KCNK13: variants seen among roughly 807,000 people sequenced by gnomAD.
KCNK13 encodes potassium channel subfamily K member 13.
KCNK13 carries 12 observed loss-of-function variants against 23.4 expected under a neutral mutation model. The ratio of observed to expected loss-of-function variants is 0.51; its 90% CI spans 0.33 to 0.83. The LOEUF is 0.83. KCNK13 is among the 40% of genes least tolerant of loss of function. KCNK13 has a pLI of 0.02. For missense variants in KCNK13, 463 were observed against 556.3 expected (o/e 0.83, Z 1.69); for synonymous variants, 231 against 229.5 (o/e 1.01, Z -0.06).
intron 1 of KCNK13, among the ~76,000 whole-genome samples, chr14:90,091,049 G>A (rs1236533423): frequency 6.6e-6 from 1 of 152,176 alleles, no homozygotes; most frequent in African/African-American, 2.4e-5. Context: ...TCATCTCTAT[G>A]TTTGACCTCT....
At chr14:90,149,592 G>A (rs763038715) in intron 1 of KCNK13, among the ~76,000 whole-genome samples, 7 of 152,142 alleles carry the variant, frequency 4.6e-5, no homozygotes, top group Non-Finnish European at 7.3e-5. Context: ...CTCCCACCAA[G>A]TCCCTCCCAC....
intron 1 of KCNK13, among the ~76,000 whole-genome samples, chr14:90,174,171 G>A (rs981358502): frequency 6.6e-6 from 1 of 152,126 alleles, no homozygotes; most frequent in African/African-American, 2.4e-5. Flanking sequence ...TTAGCCGGGT[G>A]TGGTGGTGGG....
chr14:90,088,612 A>G (rs1461324551), intron 1 of KCNK13, among the ~76,000 whole-genome samples: 2 of 152,214 alleles, frequency 1.3e-5, no homozygotes, highest in Non-Finnish European at 2.9e-5. Flanking sequence ...TTCTCTTGGG[A>G]AAATGGAAAA....
chr14:90,146,167 G>T (rs1432221639), intron 1 of KCNK13, among the ~76,000 whole-genome samples: 1 of 152,084 alleles, frequency 6.6e-6, no homozygotes, highest in Non-Finnish European at 1.5e-5. Context: ...TAAACATTTA[G>T]AATTTTTATG....
chr14:90,149,588 C>A lies in KCNK13; in HGVS notation c.335-34523C>A, dbSNP rs150878187. The stretch of plus-strand genomic sequence containing the variant: ...GCCCCCGTGATTCAATTACCTCCCA[C>A]CAAGTCCCTCCCACAACATGTGGGG... On this transcript the variant is annotated intron_variant, in intron 1 of 1. Transcript: ENST00000282146. Among the ~76,000 whole-genome samples, 948 of 152,284 alleles carry A rather than the reference C, an allele frequency of 6.2e-3. 12 individuals are homozygous for A. The highest frequency in any genetic ancestry group is 0.021 in the African/African-American group (871 of 41,548).
chr14:90,126,468 G>A (rs921127175), intron 1 of KCNK13, among the ~76,000 whole-genome samples: 2 of 151,830 alleles, frequency 1.3e-5, no homozygotes, highest in South Asian at 2.1e-4. Flanking sequence ...GTGACGTGAC[G>A]TGACGTGATG....
intron 1 of KCNK13, among the ~76,000 whole-genome samples, chr14:90,174,188 T>TAGTC (rs2140445264): frequency 6.6e-6 from 1 of 152,252 alleles, no homozygotes; most frequent in South Asian, 2.1e-4. Flanking sequence ...TGGGCACCTG[T>TAGTC]AGTCCCAGCT....
intron 1 of KCNK13, among the ~76,000 whole-genome samples, chr14:90,166,912 C>T (rs1890310426): frequency 6.6e-6 from 1 of 152,054 alleles, no homozygotes; most frequent in African/African-American, 2.4e-5. Context: ...TAGACCTCAT[C>T]TGGAACACCC....
intron 1 of KCNK13, among the ~76,000 whole-genome samples, chr14:90,149,445 G>T (rs1345078627): frequency 4.6e-5 from 7 of 152,210 alleles, no homozygotes; most frequent in Admixed American, 4.6e-4. Context: ...GGCAAAGGAG[G>T]TGCAAAGGCA....
chr14:90,174,520 A>T (rs557946103), intron 1 of KCNK13, among the ~76,000 whole-genome samples: 72 of 152,134 alleles, frequency 4.7e-4, no homozygotes, highest in Middle Eastern at 3.4e-3. Context: ...AAGATTTTCC[A>T]ATTTGCAATT....
At position 90,099,529 on chromosome 14, in the gene KCNK13, T is replaced by G. The variant is rs1021134441; in HGVS notation, c.334+36990T>G. Among the ~76,000 whole-genome samples the G allele has an allele frequency of 7.2e-5, 11 of 152,254 alleles. No individual in the cohort carries two copies. The East Asian group carries it at 1.7e-3, about 24-fold the overall frequency. ...AGGATTGATTTATCCCTAGAGTGAG[T>G]TATTAGAAAGGTGTTTCTGGCTCAA... On this transcript the variant is annotated intron_variant, in intron 1 of 1. Transcript: ENST00000282146.
intron 1 of KCNK13, among the ~76,000 whole-genome samples, chr14:90,089,412 T>C (rs1275215516): frequency 6.6e-6 from 1 of 152,188 alleles, no homozygotes; most frequent in African/African-American, 2.4e-5. Context: ...GTAGGGTGTT[T>C]GGCAAAAGAA....
At chr14:90,090,703 G>A (rs1889334890) in intron 1 of KCNK13, among the ~76,000 whole-genome samples, 1 of 152,228 alleles carries the variant, frequency 6.6e-6, no homozygotes, top group Admixed American at 6.5e-5. Flanking sequence ...CGTGTCATGA[G>A]AGGAACCCAG....
chr14:90,099,994 G>A (rs1425846496), intron 1 of KCNK13, among the ~76,000 whole-genome samples: 5 of 152,190 alleles, frequency 3.3e-5, no homozygotes, highest in Non-Finnish European at 5.9e-5. Context: ...GGACTCTTCT[G>A]AAGCTGCTGT....
In KCNK13 at chr14:90,184,747, A is replaced by G. The variant is rs747637939; in HGVS notation, c.971A>G (p.Asn324Ser). The part of the protein sequence containing the change: ...VMPGSVRNRC[N>S]ISIETDGVAE... ...CCAGGCAGCGTCCGGAACCGCTGCA[A>G]CATCTCCATAGAGACAGACGGGGTG... is the stretch of plus-strand genomic sequence containing the variant. The change falls in exon 2 of 2, where the codon AAC becomes AGC. Residue 324 changes from asparagine to serine, a missense_variant. Transcript: ENST00000282146. The surrounding 1 kb of genome is among the most constrained non-coding windows in gnomAD (Gnocchi z 5.6). The G allele has an allele frequency of 6.2e-7, 1 of 1,614,160 alleles. No homozygotes were observed. Among genetic ancestry groups the G allele is most frequent in the South Asian group, 1.1e-5 (1 of 91,090 alleles).
chr14:90,160,212 C>T (rs1016738004), intron 1 of KCNK13, among the ~76,000 whole-genome samples: 1 of 152,144 alleles, frequency 6.6e-6, no homozygotes, highest in East Asian at 1.9e-4. Flanking sequence ...CTGGCACTTT[C>T]GAGAAATTCA....
At chr14:90,178,333 C>T in intron 1 of KCNK13, among the ~76,000 whole-genome samples, 1 of 150,506 alleles carries the variant, frequency 6.6e-6, no homozygotes, top group Non-Finnish European at 1.5e-5. Context: ...CTCTTGTTGC[C>T]CAGGCTAGAG....
At chr14:90,160,527 G>A (rs1890241441) in intron 1 of KCNK13, among the ~76,000 whole-genome samples, 1 of 152,050 alleles carries the variant, frequency 6.6e-6, no homozygotes, top group Non-Finnish European at 1.5e-5. Context: ...TTATTTTTGT[G>A]TTTGGGTAGA....
chr14:90,084,123 T>C (rs2140396733), intron 1 of KCNK13, among the ~76,000 whole-genome samples: 1 of 152,332 alleles, frequency 6.6e-6, no homozygotes, highest in South Asian at 2.1e-4. Flanking sequence ...GTTGTTGGTT[T>C]TTTTTCCCCC....
Sources: allele counts gnomAD v4.1 joint callset (sites outside exome capture counted in the v4.1 genomes callset), GRCh38; gene constraint gnomAD v4.1.1; non-coding constraint Gnocchi (gnomAD v3.1); transcripts MANE v1.5; gene names NCBI Gene and HGNC (gene_info 2026-07-23, HGNC 2026-07-21).